Variants in SCLT1 observed in about 807,000 individuals in gnomAD.
SCLT1 encodes sodium channel-associated protein 1.
SCLT1 carries 78 observed loss-of-function variants against 112.8 expected under a neutral mutation model. The ratio of observed to expected loss-of-function variants is 0.69; its 90% CI spans 0.58 to 0.83. The LOEUF (loss-of-function observed/expected upper bound fraction) is 0.83. Among genes scored for constraint, SCLT1 ranks in the 40% least tolerant of loss-of-function variants. The pLI, the probability that SCLT1 is intolerant of heterozygous loss-of-function variation, is 0.00. For missense variants in SCLT1, 747 were observed against 770.4 expected (o/e 0.97, Z 0.36); for synonymous variants, 257 against 254.7 (o/e 1.01, Z -0.09).
At chr4:128,945,482 T>G (rs201887443) in intron 16 of SCLT1, among the ~76,000 whole-genome samples, 2 of 152,170 alleles carry the variant, frequency 1.3e-5, no homozygotes, top group African/African-American at 4.8e-5. Flanking sequence ...AGTATTTAAT[T>G]AAAAATATAT....
intron 18 of SCLT1, among the ~76,000 whole-genome samples, chr4:128,935,639 T>G (rs760820505): frequency 2.6e-5 from 4 of 152,126 alleles, no homozygotes; most frequent in Non-Finnish European, 5.9e-5. Flanking sequence ...CATTAAGTGT[T>G]CAATAAATAT....
intron 18 of SCLT1, among the ~76,000 whole-genome samples, chr4:128,914,343 G>A (rs1248521943): frequency 1.3e-5 from 2 of 151,098 alleles, no homozygotes; most frequent in Admixed American, 6.6e-5. Context: ...CAGCCTGGGC[G>A]AAAGAGCGAA....
chr4:128,903,582 ATTC>A (rs1560822757), intron 18 of SCLT1, among the ~76,000 whole-genome samples: 3 of 152,286 alleles, frequency 2.0e-5, no homozygotes, highest in Admixed American at 2.0e-4. Context: ...ACTTATTTAT[ATTC>A]TTCTTTCTCC....
At chr4:129,045,529 T>A (rs1658815841) in intron 2 of SCLT1, among the ~76,000 whole-genome samples, 1 of 151,752 alleles carries the variant, frequency 6.6e-6, no homozygotes, top group South Asian at 2.1e-4. Context: ...ACAGAATAAA[T>A]AAAAAATGAT....
chr4:129,044,615 G>T (rs1748008939), intron 2 of SCLT1, among the ~76,000 whole-genome samples: 1 of 151,710 alleles, frequency 6.6e-6, no homozygotes, highest in South Asian at 2.1e-4. Flanking sequence ...CTTTACTAAA[G>T]GATATAAAAG....
chr4:129,070,560 T>C (rs1750912740), intron 2 of SCLT1, among the ~76,000 whole-genome samples: 1 of 152,204 alleles, frequency 6.6e-6, no homozygotes, highest in Admixed American at 6.5e-5. Flanking sequence ...GTGTTCATAG[T>C]AGACTTAAAT....
intron 18 of SCLT1, among the ~76,000 whole-genome samples, chr4:128,896,525 C>G (rs777446657): frequency 2.0e-5 from 3 of 152,132 alleles, no homozygotes; most frequent in Non-Finnish European, 4.4e-5. Flanking sequence ...CCCATCTGCA[C>G]GTTATCATCA....
intron 5 of SCLT1, among the ~76,000 whole-genome samples, chr4:129,016,336 T>C (rs1335196662): frequency 3.1e-5 from 2 of 65,132 alleles, no homozygotes; most frequent in African/African-American, 3.1e-5. Context: ...CATCCCCCCA[T>C]ACAGGCCCCA....
intron 9 of SCLT1, among the ~76,000 whole-genome samples, chr4:128,975,972 C>G (rs1264132385): frequency 6.6e-6 from 1 of 152,140 alleles, no homozygotes; most frequent in African/African-American, 2.4e-5. Flanking sequence ...GCTGAGCTAT[C>G]AAAACTTTCC....
At chr4:128,885,624 T>C (rs1459180034) in intron 20 of SCLT1, among the ~76,000 whole-genome samples, 1 of 152,172 alleles carries the variant, frequency 6.6e-6, no homozygotes, top group East Asian at 1.9e-4. Context: ...GGAGAGACAA[T>C]GCTTCAATCA....
intron 18 of SCLT1, among the ~76,000 whole-genome samples, chr4:128,924,339 A>G (rs1335281560): frequency 6.6e-6 from 1 of 152,042 alleles, no homozygotes; most frequent in Non-Finnish European, 1.5e-5. Context: ...GTGCAGTAGC[A>G]CAATCTTGGC....
chr4:128,970,167 T>C (rs1017582388), intron 10 of SCLT1, among the ~76,000 whole-genome samples: 5 of 152,204 alleles, frequency 3.3e-5, no homozygotes, highest in Non-Finnish European at 7.4e-5. Flanking sequence ...TGACGTTCTA[T>C]TGAATTAGGC....
intron 18 of SCLT1, among the ~76,000 whole-genome samples, chr4:128,914,380 T>G (rs1379635730): frequency 6.6e-6 from 1 of 151,122 alleles, no homozygotes; most frequent in Non-Finnish European, 1.5e-5. Context: ...AAAAAGAAAC[T>G]AGTAATATTA....
chr4:129,059,369 C>T (rs1039649529), intron 2 of SCLT1, among the ~76,000 whole-genome samples: 2 of 152,062 alleles, frequency 1.3e-5, no homozygotes, highest in Admixed American at 6.6e-5. Context: ...CTGTTTTTCT[C>T]TTATTATTGT....
chr4:129,087,106 C>G (rs775304219), intron 1 of SCLT1, among the ~76,000 whole-genome samples: 4 of 152,064 alleles, frequency 2.6e-5, no homozygotes, highest in Non-Finnish European at 4.4e-5. Context: ...GTGGAGACCA[C>G]TGGACTCTTA....
chr4:128,922,095 G>A (rs1242385131), intron 18 of SCLT1, among the ~76,000 whole-genome samples: 1 of 152,122 alleles, frequency 6.6e-6, no homozygotes, highest in Non-Finnish European at 1.5e-5. Context: ...ACCACAATGA[G>A]ATACTATCTC....
At chr4:128,985,517 C>T (rs970715921) in intron 9 of SCLT1, among the ~76,000 whole-genome samples, 5 of 152,002 alleles carry the variant, frequency 3.3e-5, no homozygotes, top group African/African-American at 7.2e-5. Flanking sequence ...GCCTAATTTT[C>T]GATGAGTTAA....
chr4:129,040,237 G>T, intron 4 of SCLT1: 1 of 702,626 alleles, frequency 1.4e-6, no homozygotes, highest in Non-Finnish European at 2.6e-6. Context: ...AACCAACATG[G>T]ATTAATTCAC....
intron 17 of SCLT1, among the ~76,000 whole-genome samples, chr4:128,942,677 G>A (rs1037806902): frequency 2.0e-5 from 3 of 152,244 alleles, no homozygotes; most frequent in South Asian, 2.1e-4. Flanking sequence ...TACAGAGAGA[G>A]AAGAGAGGAA....
Sources: gnomAD v4.1 joint callset for allele counts (sites outside exome capture counted in the v4.1 genomes callset) on GRCh38, gnomAD v4.1.1 for gene constraint, MANE v1.5 for transcripts, NCBI Gene and HGNC (gene_info 2026-07-23, HGNC 2026-07-21) for gene names.